The following RIMS1 variants were observed in gnomAD, a reference collection of about 807,000 sequenced individuals.
RIMS1 encodes regulating synaptic membrane exocytosis protein 1.
In RIMS1, 83 loss-of-function variants were observed where a neutral mutation model predicts 214.1. The observed-to-expected ratio is 0.39, with a 90% CI of 0.32 to 0.47. The LOEUF is 0.47. Ranked by LOEUF, RIMS1 falls within the 20% of genes least tolerant of loss-of-function variation. The probability of loss-of-function intolerance (pLI) is 0.99; values close to 1 mark genes in which losing one functional copy is unlikely to be tolerated. For missense variants in RIMS1, 2,050 were observed against 2,161.8 expected (o/e 0.95, Z 1.03); for synonymous variants, 793 against 786.8 (o/e 1.01, Z -0.13).
chr6:72,301,527 G>A (rs970211807), intron 26 of RIMS1, among the ~76,000 whole-genome samples: 2 of 151,578 alleles, frequency 1.3e-5, no homozygotes, highest in Non-Finnish European at 3.0e-5. Flanking sequence ...GGTAGCATCT[G>A]TACTGAATAT....
chr6:72,257,815 C>T (rs2076493430), intron 16 of RIMS1, among the ~76,000 whole-genome samples: 3 of 152,082 alleles, frequency 2.0e-5, no homozygotes, highest in Admixed American at 6.6e-5. Flanking sequence ...TGCTAAGTCA[C>T]GAACTCGTTC....
At chr6:72,314,941 G>A (rs1317836792) in intron 28 of RIMS1, among the ~76,000 whole-genome samples, 2 of 152,074 alleles carry the variant, frequency 1.3e-5, no homozygotes, top group Non-Finnish European at 2.9e-5. Flanking sequence ...CTAGTGAATA[G>A]AATTTGTATT....
chr6:72,368,528 T>G (rs189186523), intron 29 of RIMS1, among the ~76,000 whole-genome samples: 152 of 151,916 alleles, frequency 1.0e-3, no homozygotes, highest in African/African-American at 3.5e-3. Flanking sequence ...TCTCCTGACC[T>G]TGTGATCCAC....
At chr6:72,004,714 GTTGT>G (rs1806747363) in intron 2 of RIMS1, among the ~76,000 whole-genome samples, 1 of 151,606 alleles carries the variant, frequency 6.6e-6, no homozygotes, top group South Asian at 2.1e-4. Context: ...TTTTGATGGG[GTTGT>G]TTGTTTTTTT....
At chr6:71,995,456 G>GTA (rs1803117380) in intron 2 of RIMS1, among the ~76,000 whole-genome samples, 1 of 143,762 alleles carries the variant, frequency 7.0e-6, no homozygotes, top group Non-Finnish European at 1.5e-5. Context: ...TATGACGTGT[G>GTA]TGTGTGTGTG....
At chr6:72,144,915 G>A (rs576712025) in intron 4 of RIMS1, among the ~76,000 whole-genome samples, 33 of 146,264 alleles carry the variant, frequency 2.3e-4, no homozygotes, top group African/African-American at 6.0e-4. Flanking sequence ...ATGGAGTTTC[G>A]CTCTTGTCAC....
intron 6 of RIMS1, among the ~76,000 whole-genome samples, chr6:72,211,600 G>A (rs1012804364): frequency 6.6e-6 from 1 of 151,936 alleles, no homozygotes; most frequent in Non-Finnish European, 1.5e-5. Flanking sequence ...ATACGCTGGT[G>A]GTGTATGGAA....
chr6:72,222,451 GTTATTATTTACAGTGCATTTAA>G (rs2154050154), intron 6 of RIMS1, among the ~76,000 whole-genome samples: 1 of 152,192 alleles, frequency 6.6e-6, no homozygotes, highest in South Asian at 2.1e-4. Context: ...AGGGATAAGA[GTTATTATTTACAGTGCATTTAA>G]TCTTTAAATT....
At chr6:72,133,589 G>T (rs1306107563) in intron 4 of RIMS1, among the ~76,000 whole-genome samples, 2 of 152,132 alleles carry the variant, frequency 1.3e-5, no homozygotes, top group Non-Finnish European at 2.9e-5. Flanking sequence ...TGGCTATAGA[G>T]AGAGAAAAGA....
chr6:72,369,657 A>G (rs985837114), intron 29 of RIMS1, among the ~76,000 whole-genome samples: 14 of 152,350 alleles, frequency 9.2e-5, no homozygotes, highest in African/African-American at 2.9e-4. Flanking sequence ...CTTAAAGTCA[A>G]GTGATTGTAG....
chr6:71,898,395 G>T (rs555880899), intron 1 of RIMS1, among the ~76,000 whole-genome samples: 2 of 152,222 alleles, frequency 1.3e-5, no homozygotes, highest in Admixed American at 6.5e-5. Context: ...TTGAAGGAAG[G>T]TATCTTATAT....
At chr6:72,004,026 C>A (rs1490188996) in intron 2 of RIMS1, among the ~76,000 whole-genome samples, 3 of 102,696 alleles carry the variant, frequency 2.9e-5, no homozygotes, top group African/African-American at 1.1e-4. Flanking sequence ...CCCCTCCCCC[C>A]ACCCCAAAAC....
At chr6:71,924,462 C>T (rs1177793868) in intron 1 of RIMS1, among the ~76,000 whole-genome samples, 1 of 151,678 alleles carries the variant, frequency 6.6e-6, no homozygotes, top group African/African-American at 2.4e-5. Flanking sequence ...AGATTTGTTC[C>T]TGTCTCTGCA....
intron 2 of RIMS1, among the ~76,000 whole-genome samples, chr6:71,972,006 A>C (rs186826773): frequency 6.6e-6 from 1 of 152,196 alleles, no homozygotes; most frequent in East Asian, 1.9e-4. Context: ...AACCTTTAGC[A>C]CTCAGTTAAC....
chr6:72,271,286 A>AAAATATATATATATATATATAT (rs1417580438), intron 22 of RIMS1, among the ~76,000 whole-genome samples: 3 of 44,398 alleles, frequency 6.8e-5, no homozygotes, highest in Non-Finnish European at 1.1e-4. Context: ...AAAAAAAAAA[A>AAAATATATATATATATATATAT]ATATATATAT....
intron 22 of RIMS1, 58 bp from the exon 23 acceptor site, chr6:72,274,291 T>C: frequency 8.2e-7 from 1 of 1,215,400 alleles, no homozygotes; most frequent in Non-Finnish European, 1.2e-6. Flanking sequence ...ATGTATTCTT[T>C]TATTTTAGGA....
intron 15 of RIMS1, among the ~76,000 whole-genome samples, chr6:72,251,636 T>C (rs2154137100): frequency 6.6e-6 from 1 of 152,302 alleles, no homozygotes; most frequent in South Asian, 2.1e-4. Context: ...CTGTTGGTTA[T>C]TGACTGATGG....
chr6:72,025,919 C>G (rs1192780452), intron 2 of RIMS1, among the ~76,000 whole-genome samples: 1 of 152,184 alleles, frequency 6.6e-6, no homozygotes, highest in African/African-American at 2.4e-5. Context: ...AAAAGGTCAT[C>G]CTTCTACAGA....
chr6:72,325,993 G>A (rs1593567393), intron 28 of RIMS1, among the ~76,000 whole-genome samples: 2 of 151,788 alleles, frequency 1.3e-5, no homozygotes, highest in Admixed American at 1.3e-4. Flanking sequence ...TTGATCTACT[G>A]TTTGTGGTTA....
Sources: gnomAD v4.1 joint callset for allele counts (sites outside exome capture counted in the v4.1 genomes callset) on GRCh38, gnomAD v4.1.1 for gene constraint, MANE v1.5 for transcripts, NCBI Gene and HGNC (gene_info 2026-07-23, HGNC 2026-07-21) for gene names.